The following VAT1L variants were observed in gnomAD, a reference collection of about 807,000 sequenced individuals.
VAT1L encodes the protein vesicle amine transport 1 like, also known as putative NADPH-dependent quinone oxidoreductase VAT1L.
VAT1L carries 34 observed loss-of-function variants against 44.1 expected under a neutral mutation model. That is an observed-to-expected ratio of 0.77 (90% CI 0.59 to 1.03). The LOEUF is 1.03. Ranked by LOEUF, VAT1L falls within the 50% of genes least tolerant of loss-of-function variation. VAT1L has a pLI of 0.00. For missense variants in VAT1L, 615 were observed against 538.8 expected (o/e 1.14, Z -1.40); for synonymous variants, 253 against 202.2 (o/e 1.25, Z -2.13).
Position 77,880,262 on chromosome 16 carries a change from C to T in VAT1L, c.882+1038C>T, listed in dbSNP as rs552042872. Among the ~76,000 whole-genome samples, 49 of 151,838 alleles carry T rather than the reference C, an allele frequency of 3.2e-4. 1 individual carries two copies. The South Asian group carries it at 9.1e-3, about 28-fold the overall frequency. ...ACCTCCACCTCCTGGGCTGTAGCAACCCTCCTGCTTCAGCCTCCCAAGTAG... is the reference window on the plus strand; with the variant it reads ...ACCTCCACCTCCTGGGCTGTAGCAATCCTCCTGCTTCAGCCTCCCAAGTAG... On this transcript the variant is annotated intron_variant, in intron 6 of 8. Transcript: ENST00000302536.
intron 4 of VAT1L, among the ~76,000 whole-genome samples, chr16:77,874,052 T>C (rs1001439408): frequency 6.6e-6 from 1 of 151,904 alleles, no homozygotes; most frequent in Non-Finnish European, 1.5e-5. Context: ...GACTGGCAGT[T>C]TGTGGGAGAG....
intron 3 of VAT1L, among the ~76,000 whole-genome samples, chr16:77,833,333 G>C (rs949992081): frequency 7.2e-5 from 11 of 152,214 alleles, no homozygotes; most frequent in Non-Finnish European, 1.6e-4. Context: ...ACAGAGACCT[G>C]ACCTGCACCA....
At chr16:77,955,647 C>A (rs984409965) in intron 7 of VAT1L, among the ~76,000 whole-genome samples, 1 of 151,382 alleles carries the variant, frequency 6.6e-6, no homozygotes, top group East Asian at 1.9e-4. Context: ...ATCTCTTGAA[C>A]CTGGGAAGTG....
intron 7 of VAT1L, among the ~76,000 whole-genome samples, chr16:77,897,675 A>G (rs1015238567): frequency 6.6e-6 from 1 of 152,056 alleles, no homozygotes; most frequent in Non-Finnish European, 1.5e-5. Flanking sequence ...GGGTTTCACC[A>G]TGTTGGCCAG....
At chr16:77,921,932 G>C (rs1415386155) in intron 7 of VAT1L, among the ~76,000 whole-genome samples, 2 of 151,856 alleles carry the variant, frequency 1.3e-5, no homozygotes, top group East Asian at 3.9e-4. Flanking sequence ...TTTTTTTATG[G>C]TGACAGGGTC....
chr16:77,822,026 G>A (rs924276882), intron 2 of VAT1L, among the ~76,000 whole-genome samples: 25 of 152,186 alleles, frequency 1.6e-4, no homozygotes, highest in African/African-American at 4.1e-4. Context: ...AGACACAGGC[G>A]TCAATACTGA....
At chr16:77,829,305 A>T (rs2016555045) in intron 3 of VAT1L, among the ~76,000 whole-genome samples, 1 of 152,254 alleles carries the variant, frequency 6.6e-6, no homozygotes. Flanking sequence ...AAACCTAGTA[A>T]TAGCTGGGGC....
At position 77,876,899 on chromosome 16, in the gene VAT1L, A is replaced by G. The variant is rs558296047; in HGVS notation, c.826+426A>G. On this transcript the variant is annotated intron_variant, in intron 5 of 8. Transcript: ENST00000302536. ...GGATCTTTACTATTTGAGAAGTTGC[A>G]AAGTACACACTCTGCTTCCCCTAAA... Among the ~76,000 whole-genome samples the G allele has an allele frequency of 5.9e-5, 9 of 152,316 alleles. No homozygotes were observed. In the East Asian group the frequency reaches 1.2e-3, roughly 20 times the overall value.
At chr16:77,853,863 G>A (rs998671602) in intron 3 of VAT1L, among the ~76,000 whole-genome samples, 1 of 152,038 alleles carries the variant, frequency 6.6e-6, no homozygotes, top group Non-Finnish European at 1.5e-5. Flanking sequence ...AAATGAGGCC[G>A]GGCGCCGTGA....
At chr16:77,919,225 A>G (rs74431208) in intron 7 of VAT1L, among the ~76,000 whole-genome samples, 13 of 44,016 alleles carry the variant, frequency 3.0e-4, no homozygotes, top group East Asian at 8.7e-4. Context: ...CTAGGTGTCC[A>G]GGGGAAAACA....
At chr16:77,957,888 G>C (rs1318445154) in intron 7 of VAT1L, among the ~76,000 whole-genome samples, 2 of 151,540 alleles carry the variant, frequency 1.3e-5, no homozygotes, top group African/African-American at 4.8e-5. Flanking sequence ...TCTCTTACTA[G>C]AGCAATATTT....
intron 3 of VAT1L, among the ~76,000 whole-genome samples, chr16:77,858,367 G>A (rs928514813): frequency 6.6e-6 from 1 of 152,192 alleles, no homozygotes; most frequent in African/African-American, 2.4e-5. Context: ...TGCTAAAATA[G>A]CATAGTCACG....
intron 1 of VAT1L, among the ~76,000 whole-genome samples, chr16:77,793,188 T>A (rs1251413505): frequency 6.6e-6 from 1 of 152,210 alleles, no homozygotes. Context: ...CATGGTTCAC[T>A]GCCACCTTGA....
intron 7 of VAT1L, among the ~76,000 whole-genome samples, chr16:77,968,386 G>A (rs2018245391): frequency 6.6e-6 from 1 of 152,162 alleles, no homozygotes; most frequent in African/African-American, 2.4e-5. Flanking sequence ...TGAAAGAGGA[G>A]GAACACGTTC....
At position 77,879,739 on chromosome 16, in the gene VAT1L, G is replaced by A. The variant is rs116610677; in HGVS notation, c.882+515G>A. On this transcript the variant is annotated intron_variant, in intron 6 of 8. Transcript: ENST00000302536. This position sits in a 1 kb window ranked among gnomAD's most constrained non-coding sequence, Gnocchi z 4.1. ...CTAAATGAAACAGAGAGGTGGGAGT[G>A]TCAGAGAAACTCAAGAAAGCTACAG... 5.4e-3 allele frequency among the ~76,000 whole-genome samples: 815 copies of A among 152,314 alleles called. 5 individuals carry two copies. Among genetic ancestry groups the A allele is most frequent in the African/African-American group, 0.015 (629 of 41,566 alleles).
chr16:77,952,045 T>A (rs529207598), intron 7 of VAT1L, among the ~76,000 whole-genome samples: 347 of 152,256 alleles, frequency 2.3e-3, no homozygotes, highest in African/African-American at 8.0e-3. Flanking sequence ...TGTTTGCTAA[T>A]TGGTGCTTAT....
chr16:77,939,251 C>A (rs1232040311), intron 7 of VAT1L, among the ~76,000 whole-genome samples: 1 of 152,212 alleles, frequency 6.6e-6, no homozygotes, highest in East Asian at 1.9e-4. Flanking sequence ...ACCAGAAAGA[C>A]TGGAGATATA....
chr16:77,963,820 C>A (rs990567027), intron 7 of VAT1L, among the ~76,000 whole-genome samples: 1 of 152,148 alleles, frequency 6.6e-6, no homozygotes, highest in African/African-American at 2.4e-5. Flanking sequence ...ATTTTCACTT[C>A]TCTGTGATAC....
At chr16:77,833,000 T>C (rs2016597198) in intron 3 of VAT1L, among the ~76,000 whole-genome samples, 1 of 152,188 alleles carries the variant, frequency 6.6e-6, no homozygotes, top group Non-Finnish European at 1.5e-5. Flanking sequence ...AAAACCATCA[T>C]TGACCCTAAA....
Sources: allele counts gnomAD v4.1 joint callset (sites outside exome capture counted in the v4.1 genomes callset), GRCh38; gene constraint gnomAD v4.1.1; non-coding constraint Gnocchi (gnomAD v3.1); transcripts MANE v1.5; gene names NCBI Gene and HGNC (gene_info 2026-07-23, HGNC 2026-07-21).